Variants in CD82 observed in about 807,000 individuals in gnomAD.
The protein encoded by CD82 is CD82 antigen.
Under a neutral mutation model 37.4 loss-of-function variants are expected in CD82, and 36 were observed. The observed-to-expected ratio is 0.96, with a 90% confidence interval of 0.74 to 1.27. The LOEUF (loss-of-function observed/expected upper bound fraction) is 1.27, where lower values mean the gene tolerates loss of function less well. Among genes scored for constraint, CD82 ranks in the 50% most tolerant of loss-of-function variants. The probability of loss-of-function intolerance (pLI) is 0.00; values close to 1 mark genes in which losing one functional copy is unlikely to be tolerated. For missense variants in CD82, 340 were observed against 347.0 expected, an observed-to-expected ratio of 0.98 and a Z score of 0.16; for synonymous variants, 158 against 137.4, an observed-to-expected ratio of 1.15 and a Z score of -1.05.
intron 3 of CD82, among the ~76,000 whole-genome samples, chr11:44,595,486 G>A (rs1853209566): frequency 8.8e-6 from 1 of 114,120 alleles, no homozygotes; most frequent in African/African-American, 3.1e-5. Flanking sequence ...TGTGTTGACG[G>A]TTTAACCCTA....
At chr11:44,618,532 G>A in intron 8 of CD82, 108 bp from the exon 9 acceptor site, 1 of 1,109,620 alleles carries the variant, frequency 9.0e-7, no homozygotes, top group Non-Finnish European at 1.3e-6. Context: ...AACAGGCAGA[G>A]CCCTCTGTAG....
intron 3 of CD82, chr11:44,596,873 T>C: frequency 2.2e-6 from 1 of 455,996 alleles, no homozygotes; most frequent in Non-Finnish European, 4.4e-6. Flanking sequence ...TTCCATCAAA[T>C]AACTACTCAA....
intron 4 of CD82, among the ~76,000 whole-genome samples, chr11:44,603,961 C>T (rs76225528): frequency 6.6e-6 from 1 of 152,188 alleles, no homozygotes; most frequent in East Asian, 1.9e-4. Context: ...GCCTTTGCAC[C>T]TGCTGTGTTC....
At chr11:44,614,529 G>C (rs895048513) in intron 6 of CD82, among the ~76,000 whole-genome samples, 1 of 152,254 alleles carries the variant, frequency 6.6e-6, no homozygotes, top group Non-Finnish European at 1.5e-5. Context: ...GCCAGATGTG[G>C]TCCCTGCCCC....
chr11:44,619,096 C>A lies in CD82; in HGVS notation c.774C>A (p.Ser258=), dbSNP rs201650491. The part of the protein sequence containing the change: ...LSICLCRHVH[S]EDYSKVPKY ...TCTGCTTGTGCCGGCACGTCCATTC[C>A]GAAGACTACAGCAAGGTCCCCAAGT... Residue 258 remains serine (S), a synonymous_variant, in exon 10 of 10, where the codon TCC becomes TCA. Transcript: ENST00000227155. 9 of 1,613,452 alleles carry A rather than the reference C, an allele frequency of 5.6e-6. No homozygotes were observed. The highest frequency in any genetic ancestry group is 7.6e-6 in the Non-Finnish European group (9 of 1,179,848).
rs1413360133 is a variant in CD82 at position 44,615,351 on chromosome 11, C to T, written c.416C>T (p.Ala139Val). The T allele has an allele frequency of 6.2e-7, 1 of 1,612,066 alleles. No individual in the cohort carries two copies. Among genetic ancestry groups the T allele is most frequent in the Non-Finnish European group, 8.5e-7 (1 of 1,178,098 alleles). The change falls in exon 7 of 10, where the codon GCC becomes GTC. Residue 139 changes from alanine to valine, a missense_variant. Physicochemically the swap from Ala to Val is moderately conservative, Grantham distance 64. Coordinates refer to ENST00000227155, the MANE Select transcript of CD82 (RefSeq NM_002231.4). Reference sequence around the variant, plus strand: ...AGTCGCGAGGACAGCCTGCAGGATGCCTGGGACTACGTGCAGGCTCAGGTG... The same window carrying T: ...AGTCGCGAGGACAGCCTGCAGGATGTCTGGGACTACGTGCAGGCTCAGGTG... ...NSSREDSLQD[A>V]WDYVQAQVKC...
chr11:44,572,504 G>A (rs541855936), intron 1 of CD82, among the ~76,000 whole-genome samples: 1 of 152,086 alleles, frequency 6.6e-6, no homozygotes, highest in Admixed American at 6.5e-5. Flanking sequence ...TATTTTTTTC[G>A]AAGGAGGGAT....
chr11:44,600,045 G>T, intron 3 of CD82, 113 bp from the exon 4 acceptor site: 1 of 962,612 alleles, frequency 1.0e-6, no homozygotes. Context: ...GGTGGATGTG[G>T]TGCCCTCTGT....
chr11:44,565,904 A>C (rs571994046), intron 1 of CD82, 168 bp downstream of exon 1: 1 of 152,358 alleles, frequency 6.6e-6, no homozygotes, highest in Admixed American at 6.5e-5. Context: ...CTGAACCCCC[A>C]GTTCTCACAC....
chr11:44,594,160 T>C (rs1348093333), intron 2 of CD82, among the ~76,000 whole-genome samples: 1 of 152,176 alleles, frequency 6.6e-6, no homozygotes. Flanking sequence ...GCTCAGCCTA[T>C]TTTCTGAGAA....
intron 3 of CD82, among the ~76,000 whole-genome samples, chr11:44,598,299 C>A (rs917282914): frequency 3.3e-5 from 5 of 151,576 alleles, no homozygotes; most frequent in African/African-American, 1.2e-4. Flanking sequence ...CCCTACTGAG[C>A]CACCTGGGCC....
chr11:44,616,674 T>C (rs962808438), intron 7 of CD82, among the ~76,000 whole-genome samples: 6 of 152,232 alleles, frequency 3.9e-5, no homozygotes, highest in Non-Finnish European at 5.9e-5. Flanking sequence ...CCGTGTGAGA[T>C]ACATTGTTAA....
rs780063147 is a variant in CD82, at chr11:44,618,276, A to G, written c.553A>G (p.Ser185Gly). 1 of 1,614,066 alleles carries G rather than the reference A, an allele frequency of 6.2e-7. No individual in the cohort carries two copies. The highest frequency in any genetic ancestry group is 2.2e-5 in the East Asian group (1 of 44,860). ...SCEVKGEEDN[S>G]LSVRKGFCEA... ...CGAAGTCAAGGGGGAAGAGGACAACAGCCTTTCTGTGAGGAAGGGCTTCTG... is the reference window on the plus strand; with the variant it reads ...CGAAGTCAAGGGGGAAGAGGACAACGGCCTTTCTGTGAGGAAGGGCTTCTG... The change falls in exon 8 of 10, where the codon AGC (serine) becomes GGC (glycine). Residue 185 changes from serine (S) to glycine (G), a missense_variant. By Grantham distance (56) the Ser-to-Gly change is moderately conservative. Coordinates refer to ENST00000227155, the MANE Select transcript of CD82 (RefSeq NM_002231.4).
At chr11:44,617,222 G>T (rs192889640) in intron 7 of CD82, among the ~76,000 whole-genome samples, 2 of 152,226 alleles carry the variant, frequency 1.3e-5, no homozygotes, top group Admixed American at 6.5e-5. Flanking sequence ...GCCCGGAAAG[G>T]CTTTCTTCTC....
chr11:44,606,706 C>T (rs1483133418), intron 6 of CD82: 1 of 152,256 alleles, frequency 6.6e-6, no homozygotes, highest in Admixed American at 6.5e-5. Flanking sequence ...ACTTTCCATA[C>T]AGCGTCTTGT....
chr11:44,594,134 A>C (rs1322125470), intron 2 of CD82, among the ~76,000 whole-genome samples: 1 of 152,176 alleles, frequency 6.6e-6, no homozygotes, highest in East Asian at 1.9e-4. Context: ...TTCCCTTTGT[A>C]ATAAGAAGCT....
At chr11:44,604,661 G>A (rs1213718101) in intron 4 of CD82, 10 of 299,176 alleles carry the variant, frequency 3.3e-5, no homozygotes, top group East Asian at 9.2e-5. Context: ...ACCTCACTGC[G>A]AGAGGCGCTG....
intron 2 of CD82, among the ~76,000 whole-genome samples, chr11:44,593,907 T>C (rs1269171322): frequency 6.6e-6 from 1 of 151,892 alleles, no homozygotes; most frequent in Non-Finnish European, 1.5e-5. Context: ...TTTATCAACA[T>C]ATAGAGAGTG....
intron 4 of CD82, among the ~76,000 whole-genome samples, chr11:44,600,559 A>G (rs1342478689): frequency 6.6e-6 from 1 of 152,166 alleles, no homozygotes; most frequent in Non-Finnish European, 1.5e-5. Flanking sequence ...TCACTTGCCC[A>G]TCCAGCAGAA....
Sources: allele counts gnomAD v4.1 joint callset (sites outside exome capture counted in the v4.1 genomes callset), GRCh38; gene constraint gnomAD v4.1.1; transcripts MANE v1.5; gene names NCBI Gene and HGNC (gene_info 2026-07-23, HGNC 2026-07-21).